Variants in SEMA5B observed in about 807,000 individuals in gnomAD.
The protein encoded by SEMA5B is semaphorin-5B.
Under a neutral mutation model 135.0 loss-of-function variants are expected in SEMA5B, and 66 were observed. The observed-to-expected ratio is 0.49, with a 90% CI of 0.40 to 0.60. The LOEUF is 0.60. Among genes scored for constraint, SEMA5B ranks in the 20% least tolerant of loss-of-function variants. The probability of loss-of-function intolerance (pLI) is 0.00; values close to 1 mark genes in which losing one functional copy is unlikely to be tolerated. For missense variants in SEMA5B, 1,501 were observed against 1,566.3 expected, an observed-to-expected ratio of 0.96 and a Z score of 0.70; for synonymous variants, 690 against 639.5, an observed-to-expected ratio of 1.08 and a Z score of -1.19.
intron 17 of SEMA5B, 48 bp downstream of exon 17, chr3:122,913,151 G>T (rs1255907772): frequency 5.5e-6 from 8 of 1,466,080 alleles, no homozygotes; most frequent in South Asian, 1.4e-5. Context: ...CGCCCTCACC[G>T]CTCCGGGGCT....
chr3:123,013,085 G>A lies in SEMA5B; in HGVS notation c.-39+14379C>T, dbSNP rs369227928. Among the ~76,000 whole-genome samples the A allele has an allele frequency of 8.5e-5, 13 of 152,310 alleles. 1 individual carries two copies. Among genetic ancestry groups the A allele is most frequent in the East Asian group, 5.8e-4 (3 of 5,196 alleles). The stretch of plus-strand genomic sequence containing the variant: ...CCAATGCAATGGATGAAGGAAAAGC[G>A]GGAATGAAAAGAACACACCGGTCAG... On this transcript the variant is annotated intron_variant, in intron 1 of 22. Coordinates refer to ENST00000357599, the MANE Select transcript of SEMA5B (RefSeq NM_001031702.4).
intron 6 of SEMA5B, 132 bp from the exon 7 acceptor site, chr3:122,928,747 C>T: frequency 7.7e-6 from 6 of 777,300 alleles, no homozygotes; most frequent in Non-Finnish European, 1.3e-5. Flanking sequence ...ATCCACCTGT[C>T]CCGACGTCCG....
chr3:122,987,846 T>G (rs530632982), intron 1 of SEMA5B, among the ~76,000 whole-genome samples: 1 of 152,184 alleles, frequency 6.6e-6, no homozygotes, highest in African/African-American at 2.4e-5. Context: ...TTTTTGAAAT[T>G]TATTTTTTTT....
At chr3:122,972,280 C>T (rs776308569) in intron 1 of SEMA5B, among the ~76,000 whole-genome samples, 6 of 152,184 alleles carry the variant, frequency 3.9e-5, no homozygotes, top group Non-Finnish European at 7.3e-5. Flanking sequence ...GAGTCAGGAA[C>T]TAATGTTATG....
intron 12 of SEMA5B, among the ~76,000 whole-genome samples, chr3:122,916,471 C>T (rs962338829): frequency 2.6e-5 from 4 of 152,150 alleles, no homozygotes; most frequent in African/African-American, 9.7e-5. Flanking sequence ...TTAAAAGCTC[C>T]CTGGGTGATT....
intron 5 of SEMA5B, among the ~76,000 whole-genome samples, chr3:122,931,020 CT>C (rs11296132): frequency 0.22 from 33,478 of 152,094 alleles, 3,833 homozygotes; most frequent in Middle Eastern, 0.32. Flanking sequence ...CACAGAATGG[CT>C]TTTTTGAGAC....
intron 1 of SEMA5B, among the ~76,000 whole-genome samples, chr3:122,983,482 A>G (rs1941594147): frequency 1.3e-5 from 2 of 152,090 alleles, no homozygotes; most frequent in South Asian, 4.2e-4. Flanking sequence ...AAAAAAACCT[A>G]TAAAGACACA....
chr3:122,920,280 C>A (rs1560293753), intron 12 of SEMA5B, among the ~76,000 whole-genome samples: 2 of 152,230 alleles, frequency 1.3e-5, no homozygotes, highest in African/African-American at 4.8e-5. Flanking sequence ...AAGAGTCAGT[C>A]AACTGAAGGA....
rs963762418 is a variant in SEMA5B, at chr3:122,976,662, A to G, written c.-38-15361T>C. ...GCTGTATTTCCTTTATCACACATCT[A>G]TCTACCCATGCACTTATCCATTTTA... On this transcript the variant is annotated intron_variant, in intron 1 of 22. Transcript: ENST00000357599. Among the ~76,000 whole-genome samples, 2 of 152,200 alleles carry G rather than the reference A, an allele frequency of 1.3e-5. 1 individual carries two copies. Among genetic ancestry groups the G allele is most frequent in the Admixed American group, 1.3e-4 (2 of 15,276 alleles).
chr3:122,960,354 ATAGT>A (rs1247365508), intron 2 of SEMA5B, among the ~76,000 whole-genome samples: 2 of 152,234 alleles, frequency 1.3e-5, no homozygotes, highest in African/African-American at 2.4e-5. Flanking sequence ...ATACTTGAAA[ATAGT>A]TAAAATGAGT....
At position 122,928,022 on chromosome 3, in the gene SEMA5B, A is replaced by C; in HGVS notation, c.637-19T>G. 3.5e-6 allele frequency: 5 copies of C among 1,445,772 alleles called. No individual in the cohort carries two copies. Among genetic ancestry groups the C allele is most frequent in the Non-Finnish European group, 4.6e-6 (5 of 1,093,386 alleles). 89.6% of individuals were successfully genotyped at this position (1,445,772 alleles called of 1,614,324 possible). On this transcript the variant is annotated intron_variant, in intron 7 of 22. Transcript: ENST00000357599. Reference sequence around the variant, plus strand: ...TCCCCACCTGGGGACAATGGGGAGAAGGGGACACTTTTCCCTGAGGCCCTG... The same window carrying C: ...TCCCCACCTGGGGACAATGGGGAGACGGGGACACTTTTCCCTGAGGCCCTG...
In SEMA5B at chr3:122,910,192, CTG is replaced by C; in HGVS notation, c.3405_3406del (p.His1135GlnfsTer105). 1 of 1,614,240 alleles carries C rather than the reference CTG, an allele frequency of 6.2e-7. No individual in the cohort carries two copies. Among genetic ancestry groups the C allele is most frequent in the Non-Finnish European group, 8.5e-7 (1 of 1,180,036 alleles). Reference sequence around the variant, plus strand: ...TCCAGGTGAGGCCTCGGGCCGGAAGCTGTGTTTGTTCAGGGGGCTTGGGTAGT... The same window carrying C: ...TCCAGGTGAGGCCTCGGGCCGGAAGCTGTTTGTTCAGGGGGCTTGGGTAGT... On this transcript the variant is annotated frameshift_variant, in exon 23 of 23. Coordinates refer to ENST00000357599, the MANE Select transcript of SEMA5B (RefSeq NM_001031702.4). LOFTEE classifies it high-confidence loss of function.
Position 122,962,041 on chromosome 3 carries a change from C to T in SEMA5B, c.-38-740G>A, listed in dbSNP as rs141709309. 2.9e-4 allele frequency among the ~76,000 whole-genome samples: 44 copies of T among 152,310 alleles called. 1 individual carries two copies. In the East Asian group the frequency reaches 7.3e-3, roughly 25 times the overall value. ...CAAGGTTCTCTACTTTTAAGGATCC[C>T]TGTGATTACATTGGGCCCATCTAGA... On this transcript the variant is annotated intron_variant, in intron 1 of 22. Transcript: ENST00000357599.
In SEMA5B at chr3:123,012,106, G is replaced by A. The variant is rs1025184867; in HGVS notation, c.-39+15358C>T. Among the ~76,000 whole-genome samples the A allele has an allele frequency of 2.6e-5, 4 of 152,296 alleles. No homozygotes were observed. The East Asian group carries it at 7.7e-4, about 29-fold the overall frequency. On this transcript the variant is annotated intron_variant, in intron 1 of 22. Coordinates refer to ENST00000357599, the MANE Select transcript of SEMA5B (RefSeq NM_001031702.4). ...ATCCTGCCTCTACCTCTATATAGTT[G>A]TGAGATGTTAGGCAAGTTTCTTAAC...
At chr3:122,981,947 G>A (rs189860017) in intron 1 of SEMA5B, among the ~76,000 whole-genome samples, 13 of 152,292 alleles carry the variant, frequency 8.5e-5, no homozygotes, top group Non-Finnish European at 1.8e-4. Flanking sequence ...TACCATGGCA[G>A]GTCATCAGCC....
intron 5 of SEMA5B, among the ~76,000 whole-genome samples, chr3:122,936,939 T>G (rs1460952647): frequency 1.3e-5 from 2 of 152,238 alleles, no homozygotes; most frequent in Non-Finnish European, 2.9e-5. Flanking sequence ...TACTTGGAAG[T>G]CCCTTAATGG....
chr3:123,025,087 C>T (rs1313608121), intron 1 of SEMA5B, among the ~76,000 whole-genome samples: 3 of 152,196 alleles, frequency 2.0e-5, no homozygotes, highest in Non-Finnish European at 4.4e-5. Flanking sequence ...TCTGGGGCTC[C>T]TCCAGTCCTA....
intron 1 of SEMA5B, among the ~76,000 whole-genome samples, chr3:122,996,504 T>G (rs1347224613): frequency 6.6e-6 from 1 of 152,154 alleles, no homozygotes; most frequent in Non-Finnish European, 1.5e-5. Context: ...GCCTCACACA[T>G]GCCAAGATCC....
intron 4 of SEMA5B, among the ~76,000 whole-genome samples, chr3:122,940,475 C>T (rs1485094025): frequency 6.6e-6 from 1 of 152,216 alleles, no homozygotes; most frequent in Non-Finnish European, 1.5e-5. Context: ...TCTTGATTTC[C>T]CCCACCAATT....
Sources: allele counts gnomAD v4.1 joint callset (sites outside exome capture counted in the v4.1 genomes callset), GRCh38; gene constraint gnomAD v4.1.1; transcripts MANE v1.5; gene names NCBI Gene and HGNC (gene_info 2026-07-23, HGNC 2026-07-21).